ST6GALNAC5: variants seen among roughly 807,000 people sequenced by gnomAD.
ST6GALNAC5 encodes the protein ST6 N-acetylgalactosaminide alpha-2,6-sialyltransferase 5, also known as alpha-N-acetylgalactosaminide alpha-2,6-sialyltransferase 5.
A neutral mutation model predicts 33.6 loss-of-function variants in ST6GALNAC5; 27 were observed. That is an observed-to-expected ratio of 0.80 (90% CI 0.59 to 1.11). The LOEUF (loss-of-function observed/expected upper bound fraction) is 1.11, where lower values mean the gene tolerates loss of function less well. ST6GALNAC5 is among the 50% of genes least tolerant of loss of function. ST6GALNAC5 has a pLI of 0.00. For synonymous variants in ST6GALNAC5, 194 were observed against 171.2 expected, an observed-to-expected ratio of 1.13 and a Z score of -1.04; for missense variants, 428 against 454.0, an observed-to-expected ratio of 0.94 and a Z score of 0.52.
intron 2 of ST6GALNAC5, among the ~76,000 whole-genome samples, chr1:76,960,900 T>C (rs984886143): frequency 6.6e-6 from 1 of 152,098 alleles, no homozygotes; most frequent in African/African-American, 2.4e-5. Context: ...TACAAACAAT[T>C]TGTGCAGTTA....
intron 2 of ST6GALNAC5, among the ~76,000 whole-genome samples, chr1:76,978,107 T>A (rs879695443): frequency 3.3e-5 from 5 of 152,194 alleles, no homozygotes; most frequent in African/African-American, 7.2e-5. Flanking sequence ...ATATACCTGT[T>A]GACTATTTGT....
intron 2 of ST6GALNAC5, among the ~76,000 whole-genome samples, chr1:76,940,833 T>A (rs1262050679): frequency 6.6e-6 from 1 of 152,066 alleles, no homozygotes; most frequent in African/African-American, 2.4e-5. Context: ...GCCTTCTCTG[T>A]CTCACCACCT....
At chr1:77,045,856 T>C (rs1033884986) in intron 3 of ST6GALNAC5, among the ~76,000 whole-genome samples, 2 of 152,038 alleles carry the variant, frequency 1.3e-5, no homozygotes, top group African/African-American at 4.8e-5. Flanking sequence ...CAATGAAGAA[T>C]CAAGGGCCAC....
intron 2 of ST6GALNAC5, among the ~76,000 whole-genome samples, chr1:76,889,727 GTCTT>G (rs1311294384): frequency 2.6e-5 from 4 of 151,906 alleles, no homozygotes; most frequent in African/African-American, 9.7e-5. Flanking sequence ...GTTTCTTCTG[GTCTT>G]TCTTTCAGTT....
In ST6GALNAC5 at chr1:76,895,485, T is replaced by G. The variant is rs1450494923; in HGVS notation, c.261+26743T>G. Among the ~76,000 whole-genome samples, 5 of 148,232 alleles carry G rather than the reference T, an allele frequency of 3.4e-5. No homozygotes were observed. The South Asian group carries it at 1.1e-3, about 33-fold the overall frequency. ...TGGTGATGGCCTGGATATGGTTTTG[T>G]ATGAATTGAAAAACTAAATGGAATA... On this transcript the variant is annotated intron_variant, in intron 2 of 4. Transcript: ENST00000477717.
intron 2 of ST6GALNAC5, among the ~76,000 whole-genome samples, chr1:76,898,020 G>A (rs542744741): frequency 1.1e-4 from 17 of 152,310 alleles, no homozygotes; most frequent in South Asian, 6.2e-4. Context: ...CGAGGCAATC[G>A]GACAGAGTCA....
At chr1:76,970,683 T>C (rs923112515) in intron 2 of ST6GALNAC5, among the ~76,000 whole-genome samples, 10 of 152,134 alleles carry the variant, frequency 6.6e-5, no homozygotes, top group Admixed American at 6.5e-4. Flanking sequence ...CAGGCCAACA[T>C]TCAAATTCAG....
chr1:76,938,343 G>A (rs1005407645), intron 2 of ST6GALNAC5, among the ~76,000 whole-genome samples: 1 of 152,030 alleles, frequency 6.6e-6, no homozygotes, highest in African/African-American at 2.4e-5. Flanking sequence ...GCTTTTATAG[G>A]GAGACATGCT....
intron 2 of ST6GALNAC5, 114 bp from the exon 3 acceptor site, chr1:77,044,090 G>C (rs1435707187): frequency 8.7e-7 from 1 of 1,152,368 alleles, no homozygotes; most frequent in Non-Finnish European, 1.2e-6. Context: ...TGACATGATG[G>C]GGAGGAGAGA....
At chr1:77,010,844 G>T (rs1557759963) in intron 2 of ST6GALNAC5, among the ~76,000 whole-genome samples, 1 of 152,156 alleles carries the variant, frequency 6.6e-6, no homozygotes, top group Non-Finnish European at 1.5e-5. Flanking sequence ...CTGCAGCCTG[G>T]GGACAAATTG....
At chr1:77,061,351 C>A (rs1322687035) in intron 4 of ST6GALNAC5, among the ~76,000 whole-genome samples, 1 of 151,446 alleles carries the variant, frequency 6.6e-6, no homozygotes, top group Non-Finnish European at 1.5e-5. Context: ...AAACATGACA[C>A]CCCTCTTGAT....
chr1:76,868,513 T>C lies in ST6GALNAC5; in HGVS notation c.32T>C (p.Val11Ala). 6.2e-7 allele frequency: 1 copy of C among 1,608,664 alleles called. No individual in the cohort carries two copies. Among genetic ancestry groups the C allele is most frequent in the South Asian group, 1.1e-5 (1 of 90,788 alleles). Residue 11 changes from valine (V) to alanine (A), a missense_variant, in exon 2 of 5, where the codon GTG (valine) becomes GCG (alanine). Val to Ala is a moderately conservative substitution (Grantham distance 64, BLOSUM62 0). Coordinates refer to ENST00000477717, the MANE Select transcript of ST6GALNAC5 (RefSeq NM_030965.3). The surrounding 1 kb of genome is among the most constrained non-coding windows in gnomAD (Gnocchi z 4.3). ...CGCCCGCAGCGCCATGGTCTGGCAG[T>C]GTGTTTAGCGCTCACCACCATGTGC... MKTLMRHGLA[V>A]CLALTTMCTS...
intron 4 of ST6GALNAC5, chr1:77,060,119 C>A (rs1246054735): frequency 6.6e-6 from 1 of 152,062 alleles, no homozygotes; most frequent in African/African-American, 2.4e-5. Flanking sequence ...AAAAAAAATT[C>A]TTCCTCAAAT....
At chr1:76,871,625 T>C (rs1346523145) in intron 2 of ST6GALNAC5, among the ~76,000 whole-genome samples, 1 of 152,210 alleles carries the variant, frequency 6.6e-6, no homozygotes, top group Non-Finnish European at 1.5e-5. Context: ...ATTAAATCAC[T>C]GTGTGCTTTT....
chr1:76,941,251 T>A (rs1426865989), intron 2 of ST6GALNAC5, among the ~76,000 whole-genome samples: 1 of 152,096 alleles, frequency 6.6e-6, no homozygotes, highest in African/African-American at 2.4e-5. Context: ...ATCAGGCATG[T>A]AACAGGCGGC....
chr1:76,971,239 C>A (rs2100365446), intron 2 of ST6GALNAC5, among the ~76,000 whole-genome samples: 1 of 151,868 alleles, frequency 6.6e-6, no homozygotes, highest in South Asian at 2.1e-4. Flanking sequence ...GGTGATAGAC[C>A]CGTGATGCGT....
chr1:76,986,116 A>T (rs1649484296), intron 2 of ST6GALNAC5, among the ~76,000 whole-genome samples: 1 of 152,232 alleles, frequency 6.6e-6, no homozygotes, highest in Non-Finnish European at 1.5e-5. Flanking sequence ...TCATGACTAA[A>T]ACACCAAAAG....
At chr1:76,986,523 A>T (rs1196017224) in intron 2 of ST6GALNAC5, among the ~76,000 whole-genome samples, 6 of 151,262 alleles carry the variant, frequency 4.0e-5, no homozygotes, top group Admixed American at 4.0e-4. Context: ...AATAGATGCT[A>T]GAGGATGTGG....
intron 2 of ST6GALNAC5, among the ~76,000 whole-genome samples, chr1:76,968,130 A>G (rs532288455): frequency 2.0e-5 from 3 of 152,206 alleles, no homozygotes; most frequent in East Asian, 1.9e-4. Flanking sequence ...CAGGTCCTGG[A>G]TATCCTTGTT....
Sources: gnomAD v4.1 joint callset for allele counts (sites outside exome capture counted in the v4.1 genomes callset) on GRCh38, gnomAD v4.1.1 for gene constraint, Gnocchi (gnomAD v3.1) non-coding constraint, MANE v1.5 for transcripts, NCBI Gene and HGNC (gene_info 2026-07-23, HGNC 2026-07-21) for gene names.